The following ALG8 variants were observed in gnomAD, a reference collection of about 807,000 sequenced individuals.
ALG8 encodes the protein ALG8 alpha-1,3-glucosyltransferase, also known as dolichyl pyrophosphate Glc1Man9GlcNAc2 alpha-1,3-glucosyltransferase.
A neutral mutation model predicts 70.2 loss-of-function variants in ALG8; 48 were observed. The observed-to-expected ratio is 0.68, with a 90% CI of 0.54 to 0.87. The LOEUF (loss-of-function observed/expected upper bound fraction) is 0.87. Ranked by LOEUF, ALG8 falls within the 40% of genes least tolerant of loss-of-function variation. ALG8 has a pLI of 0.00. For missense variants in ALG8, 572 were observed against 608.7 expected (o/e 0.94, Z 0.64); for synonymous variants, 234 against 229.0 (o/e 1.02, Z -0.20).
chr11:78,121,279 A>G, intron 3 of ALG8, 105 bp from the exon 4 acceptor site: 1 of 767,644 alleles, frequency 1.3e-6, no homozygotes, highest in South Asian at 1.5e-5. Flanking sequence ...GACAAACTAC[A>G]TGCCATTCTT....
intron 3 of ALG8, among the ~76,000 whole-genome samples, chr11:78,123,335 A>AAAAAAAAAAAAAAAAT (rs1860913835): frequency 1.1e-5 from 1 of 93,628 alleles, no homozygotes; most frequent in Non-Finnish European, 2.1e-5. Flanking sequence ...AAAAAAAAAA[A>AAAAAAAAAAAAAAAAT]AGAAAAAAAA....
At chr11:78,130,108 TCGG>T (rs1247710547) in intron 1 of ALG8, among the ~76,000 whole-genome samples, 1 of 151,974 alleles carries the variant, frequency 6.6e-6, no homozygotes, top group Non-Finnish European at 1.5e-5. Context: ...TCCCAACACT[TCGG>T]GAGGCCAAGG....
At chr11:78,104,963 C>CA (rs35118926) in intron 10 of ALG8, among the ~76,000 whole-genome samples, 4,370 of 103,990 alleles carry the variant, frequency 0.042, 54 homozygotes, top group African/African-American at 0.057. Context: ...GACTCTGTCT[C>CA]AAAAAAAAAA....
intron 5 of ALG8, among the ~76,000 whole-genome samples, chr11:78,116,613 G>A (rs577641764): frequency 5.1e-4 from 78 of 152,008 alleles, no homozygotes; most frequent in Non-Finnish European, 9.3e-4. Context: ...CAGCTAACTG[G>A]AGGCTGAGGC....
At chr11:78,130,361 A>AAAAAAAAAGAAAAAAAAAGAAAG (rs928560857) in intron 1 of ALG8, among the ~76,000 whole-genome samples, 2 of 132,636 alleles carry the variant, frequency 1.5e-5, no homozygotes, top group African/African-American at 6.3e-5. Context: ...AAAAAAAAAA[A>AAAAAAAAAGAAAAAAAAAGAAAG]AAAAAAGGTG....
chr11:78,125,434 C>T (rs659758), intron 2 of ALG8, among the ~76,000 whole-genome samples: 21,825 of 150,918 alleles, frequency 0.14, 1,708 homozygotes, highest in East Asian at 0.28. Context: ...TATATGGTAT[C>T]GAAACTCATA....
At position 78,124,037 on chromosome 11, in the gene ALG8, C is replaced by G. The variant is rs1460438666; in HGVS notation, c.352G>C (p.Val118Leu). Residue 118 changes from valine to leucine, a missense_variant, in exon 3 of 13, where the codon GTG (valine) becomes CTG (leucine). Transcript: ENST00000299626. ...CAGACTTACTCACGGACAGCATACA[C>G]AAAGAGTACATCCATAAAGATGACG... ...FSVIFMDVLF[V>L]YAVRECCKCI... 6.2e-7 allele frequency: 1 copy of G among 1,614,058 alleles called. No homozygotes were observed. The highest frequency in any genetic ancestry group is 8.5e-7 in the Non-Finnish European group (1 of 1,180,006).
intron 2 of ALG8, among the ~76,000 whole-genome samples, chr11:78,125,793 T>C (rs1215609664): frequency 6.8e-6 from 1 of 147,488 alleles, no homozygotes; most frequent in Admixed American, 6.8e-5. Flanking sequence ...TGGGTGAGAG[T>C]GAGACTTCGT....
At position 78,127,453 on chromosome 11, in the gene ALG8, G is replaced by C. The variant is rs573825357; in HGVS notation, c.96-17C>G. The C allele has an allele frequency of 1.2e-6, 2 of 1,605,858 alleles. No individual in the cohort carries two copies. Among genetic ancestry groups the C allele is most frequent in the African/African-American group, 1.3e-5 (1 of 74,828 alleles). On this transcript the variant is annotated splice_polypyrimidine_tract_variant and intron_variant, in intron 1 of 12. Transcript: ENST00000299626. ...GTGGAATGGCTACTCAAAACAATTA[G>C]ATAAATAAAATGAGATTTTGCAATA...
intron 3 of ALG8, 29 bp downstream of exon 3, chr11:78,123,992 C>G (rs1197887156): frequency 6.2e-7 from 1 of 1,611,578 alleles, no homozygotes; most frequent in Non-Finnish European, 8.5e-7. Context: ...TCAATACCTT[C>G]CATACAAAAT....
intron 5 of ALG8, 106 bp downstream of exon 5, chr11:78,119,076 G>A (rs1860707013): frequency 6.0e-6 from 5 of 840,044 alleles, no homozygotes; most frequent in African/African-American, 1.7e-5. Context: ...GCACTTGGCA[G>A]CTCAAAACAG....
Position 78,124,121 on chromosome 11 carries a change from G to A in ALG8, c.268C>T (p.Leu90=), listed in dbSNP as rs1190506941. Residue 90 remains leucine (L), a synonymous_variant, in exon 3 of 13, where the codon CTG becomes TTG. Coordinates refer to ENST00000299626, the MANE Select transcript of ALG8 (RefSeq NM_024079.5). ...GAGTAATTCAAATTATGGACATTCA[G>A]CATTTCTTGATCAAAATATTTGGCA... The part of the protein sequence containing the change: ...HVAKYFDQEM[L]NVHNLNYSSS... 1.2e-6 allele frequency: 2 copies of A among 1,614,052 alleles called. No individual in the cohort carries two copies. Among genetic ancestry groups the A allele is most frequent in the South Asian group, 2.2e-5 (2 of 91,082 alleles).
At chr11:78,110,407 G>A (rs562349976) in intron 8 of ALG8, among the ~76,000 whole-genome samples, 4 of 152,264 alleles carry the variant, frequency 2.6e-5, no homozygotes, top group African/African-American at 7.2e-5. Context: ...GGCCAGGCTG[G>A]TCTCGAGCTC....
chr11:78,102,309 C>G (rs952775483), intron 12 of ALG8, among the ~76,000 whole-genome samples: 1 of 152,140 alleles, frequency 6.6e-6, no homozygotes, highest in Non-Finnish European at 1.5e-5. Context: ...ATCAGTGGAA[C>G]GATATGATAT....
chr11:78,103,527 C>G (rs627083), intron 12 of ALG8: 20,504 of 153,666 alleles, frequency 0.13, 1,521 homozygotes, highest in East Asian at 0.28. Context: ...ACTTGGGAGG[C>G]TGAGGCAGGA....
At chr11:78,104,261 AT>A (rs1859920935) in intron 11 of ALG8, 94 bp downstream of exon 11, 25 of 1,201,134 alleles carry the variant, frequency 2.1e-5, no homozygotes, top group South Asian at 2.0e-4. Context: ...TATCCAAGAG[AT>A]TTTAGAGTTG....
chr11:78,118,583 T>G (rs1860680136), intron 5 of ALG8, among the ~76,000 whole-genome samples: 1 of 127,626 alleles, frequency 7.8e-6, no homozygotes, highest in Non-Finnish European at 1.5e-5. Context: ...GCCATCGCAC[T>G]CCAGCCTGGG....
intron 5 of ALG8, 142 bp downstream of exon 5, chr11:78,119,040 A>C: frequency 1.5e-6 from 1 of 658,300 alleles, no homozygotes; most frequent in Non-Finnish European, 2.7e-6. Flanking sequence ...GGAATTTGTG[A>C]GAAATACCTA....
At position 78,104,477 on chromosome 11, in the gene ALG8, A is replaced by G. The variant is rs778494448; in HGVS notation, c.1179-24T>C. 7 of 1,547,870 alleles carry G rather than the reference A, an allele frequency of 4.5e-6. No individual in the cohort carries two copies. The South Asian group carries it at 8.3e-5, about 18-fold the overall frequency. On this transcript the variant is annotated intron_variant, in intron 10 of 12. Transcript: ENST00000299626. ...GGCTAAAAATAAAAATAATTTCTTA[A>G]AACAACAACTGTTATTACACTTGCA...
Sources: allele counts gnomAD v4.1 joint callset (sites outside exome capture counted in the v4.1 genomes callset), GRCh38; gene constraint gnomAD v4.1.1; transcripts MANE v1.5; gene names NCBI Gene and HGNC (gene_info 2026-07-23, HGNC 2026-07-21).